Variants in MICAL3 observed in about 807,000 individuals in gnomAD.
MICAL3 encodes the protein microtubule associated monooxygenase, calponin and LIM domain containing 3.
A neutral mutation model predicts 207.4 loss-of-function variants in MICAL3; 62 were observed. The observed-to-expected ratio is 0.30, with a 90% CI of 0.24 to 0.37. The LOEUF is 0.37. Ranked by LOEUF, MICAL3 falls within the 10% of genes least tolerant of loss-of-function variation. The pLI is 1.00. For missense variants in MICAL3, 2,368 were observed against 2,635.6 expected (o/e 0.90, Z 2.22); for synonymous variants, 1,077 against 1,069.3 (o/e 1.01, Z -0.14).
chr22:17,934,085 T>C (rs551064564), intron 1 of MICAL3, among the ~76,000 whole-genome samples: 15 of 152,178 alleles, frequency 9.9e-5, no homozygotes, highest in African/African-American at 3.6e-4. Flanking sequence ...ACTATTCCAA[T>C]CAACAGAAAA....
intron 1 of MICAL3, among the ~76,000 whole-genome samples, chr22:17,978,794 C>T (rs1465723911): frequency 6.6e-6 from 1 of 151,316 alleles, no homozygotes; most frequent in Non-Finnish European, 1.5e-5. Flanking sequence ...GCTGGGATTA[C>T]AGGTGTGAGC....
intron 1 of MICAL3, among the ~76,000 whole-genome samples, chr22:18,000,824 C>A (rs1922888220): frequency 6.6e-6 from 1 of 152,294 alleles, no homozygotes; most frequent in South Asian, 2.1e-4. Flanking sequence ...CAGGAGCCCA[C>A]GCTTGGCGCA....
intron 1 of MICAL3, among the ~76,000 whole-genome samples, chr22:17,942,868 C>A (rs75265719): frequency 6.6e-6 from 1 of 152,216 alleles, no homozygotes; most frequent in African/African-American, 2.4e-5. Context: ...GCTGCACGAC[C>A]GTCCTCTCTA....
chr22:17,813,560 G>C (rs967306564), intron 27 of MICAL3: 1 of 152,218 alleles, frequency 6.6e-6, no homozygotes, highest in Non-Finnish European at 1.5e-5. Flanking sequence ...AGAACAAGCC[G>C]GTTCAGAAAA....
chr22:17,974,083 T>C (rs1935532720), intron 1 of MICAL3, among the ~76,000 whole-genome samples: 2 of 152,198 alleles, frequency 1.3e-5, no homozygotes, highest in African/African-American at 4.8e-5. Flanking sequence ...GCTGCCAAAA[T>C]TCCAGGCTCA....
intron 29 of MICAL3, among the ~76,000 whole-genome samples, chr22:17,803,119 G>A (rs1341202020): frequency 6.6e-6 from 1 of 152,146 alleles, no homozygotes; most frequent in African/African-American, 2.4e-5. Flanking sequence ...AGGGCCTGAG[G>A]CTGTGCCTTC....
chr22:17,816,631 G>T, intron 27 of MICAL3, 59 bp downstream of exon 27: 2 of 1,360,004 alleles, frequency 1.5e-6, no homozygotes, highest in Non-Finnish European at 2.1e-6. Flanking sequence ...CCCCACCAAA[G>T]CCCAACAATG....
intron 25 of MICAL3, among the ~76,000 whole-genome samples, chr22:17,819,490 C>T (rs185562315): frequency 5.9e-5 from 9 of 152,272 alleles, no homozygotes; most frequent in South Asian, 2.1e-4. Flanking sequence ...CCCTGACGTA[C>T]GTACAGAGGG....
chr22:17,947,112 G>C (rs1934109532), intron 1 of MICAL3, among the ~76,000 whole-genome samples: 1 of 152,226 alleles, frequency 6.6e-6, no homozygotes, highest in South Asian at 2.1e-4. Flanking sequence ...GTCCATCTAA[G>C]ATCAGAGCCG....
chr22:17,936,055 A>T (rs1372715904), intron 1 of MICAL3, among the ~76,000 whole-genome samples: 1 of 152,172 alleles, frequency 6.6e-6, no homozygotes, highest in Non-Finnish European at 1.5e-5. Context: ...TTACCATTTG[A>T]CCCAGCAATC....
chr22:17,791,153 C>A (rs1380983849), intron 30 of MICAL3, 49 bp downstream of exon 30: 2 of 1,605,588 alleles, frequency 1.2e-6, no homozygotes, highest in East Asian at 2.2e-5. Flanking sequence ...GACCTCCATG[C>A]CGGCTGTGAC....
intron 1 of MICAL3, among the ~76,000 whole-genome samples, chr22:18,003,734 C>A (rs1217278944): frequency 6.6e-6 from 1 of 152,118 alleles, no homozygotes; most frequent in East Asian, 1.9e-4. Flanking sequence ...GCCACTCAAC[C>A]AGCTTCCAAT....
intron 1 of MICAL3, among the ~76,000 whole-genome samples, chr22:17,933,783 T>TA: frequency 6.6e-6 from 1 of 152,062 alleles, no homozygotes; most frequent in Non-Finnish European, 1.5e-5. Context: ...TAAAAAATGA[T>TA]AAAGGGAATA....
At chr22:17,961,610 C>T (rs1934917624) in intron 1 of MICAL3, among the ~76,000 whole-genome samples, 1 of 152,172 alleles carries the variant, frequency 6.6e-6, no homozygotes, top group Non-Finnish European at 1.5e-5. Flanking sequence ...CTTTGCAGAG[C>T]TCCTGGAGTC....
At position 17,817,602 on chromosome 22, in the gene MICAL3, T is replaced by C. The variant is rs779315183; in HGVS notation, c.5059A>G (p.Thr1687Ala). 7.4e-6 allele frequency: 12 copies of C among 1,613,064 alleles called. No individual in the cohort carries two copies. In the African/African-American group the frequency reaches 1.1e-4, roughly 14 times the overall value. The change falls in exon 26 of 32, where the codon ACT becomes GCT. Residue 1687 changes from threonine to alanine, a missense_variant. By Grantham distance (58) the Thr-to-Ala change is moderately conservative. Coordinates refer to ENST00000441493, the MANE Select transcript of MICAL3 (RefSeq NM_015241.3). ...TTCCCACTGGAGCCCTCGGATGAAG[T>C]GAAAGAGCCATCTGGGCCCCCTGAG... ...SDSGGPDGSFTSSEGSSGKSK... is the reference protein window; with the variant it reads ...SDSGGPDGSFASSEGSSGKSK...
intron 19 of MICAL3, chr22:17,861,469 C>A: frequency 1.0e-6 from 1 of 985,484 alleles, no homozygotes; most frequent in Non-Finnish European, 1.2e-6. Flanking sequence ...CTGTTCCTTT[C>A]CGGCTATGCC....
chr22:17,879,360 G>A (rs759632144), intron 16 of MICAL3: 2 of 1,611,746 alleles, frequency 1.2e-6, no homozygotes, highest in Non-Finnish European at 1.7e-6. Context: ...TCATGGTGGG[G>A]GCTCTGCTTG....
chr22:17,855,251 G>C (rs560845364), intron 19 of MICAL3, among the ~76,000 whole-genome samples: 51 of 152,306 alleles, frequency 3.3e-4, no homozygotes, highest in South Asian at 8.3e-4. Flanking sequence ...TCCATATTCA[G>C]CACAAAAAGA....
intron 1 of MICAL3, among the ~76,000 whole-genome samples, chr22:17,973,500 C>T (rs1422062273): frequency 6.6e-6 from 1 of 152,202 alleles, no homozygotes; most frequent in Non-Finnish European, 1.5e-5. Context: ...GGGTGTGAAG[C>T]TGATGGCCAC....
Sources: allele counts gnomAD v4.1 joint callset (sites outside exome capture counted in the v4.1 genomes callset), GRCh38; gene constraint gnomAD v4.1.1; transcripts MANE v1.5; gene names NCBI Gene and HGNC (gene_info 2026-07-23, HGNC 2026-07-21).